LRRTM3: variants seen among roughly 807,000 people sequenced by gnomAD.
LRRTM3 encodes the protein leucine-rich repeat transmembrane neuronal protein 3.
LRRTM3 carries 24 observed loss-of-function variants against 44.7 expected under a neutral mutation model. The observed-to-expected ratio is 0.54, with a 90% confidence interval of 0.39 to 0.76. The LOEUF (loss-of-function observed/expected upper bound fraction) is 0.76, where lower values mean the gene tolerates loss of function less well. LRRTM3 is among the 30% of genes least tolerant of loss of function. The pLI is 0.00. For synonymous variants in LRRTM3, 277 were observed against 278.7 expected, an observed-to-expected ratio of 0.99 and a Z score of 0.06; for missense variants, 587 against 702.2, an observed-to-expected ratio of 0.84 and a Z score of 1.85.
chr10:67,041,199 A>G (rs1854371472), intron 2 of LRRTM3, among the ~76,000 whole-genome samples: 1 of 152,076 alleles, frequency 6.6e-6, no homozygotes, highest in South Asian at 2.1e-4. Flanking sequence ...ACTGAAGAAA[A>G]TCAAACTTGT....
intron 2 of LRRTM3, among the ~76,000 whole-genome samples, chr10:67,016,974 G>T (rs541758557): frequency 6.6e-6 from 1 of 151,970 alleles, no homozygotes; most frequent in African/African-American, 2.4e-5. Flanking sequence ...CACATAAATT[G>T]TATCTACTGA....
chr10:66,949,036 C>T (rs1012962194), intron 2 of LRRTM3, among the ~76,000 whole-genome samples: 4 of 152,076 alleles, frequency 2.6e-5, no homozygotes, highest in African/African-American at 9.7e-5. Context: ...AGCATGTAAT[C>T]TTGCAAACAA....
At chr10:66,993,070 T>C (rs1009127285) in intron 2 of LRRTM3, among the ~76,000 whole-genome samples, 1 of 152,128 alleles carries the variant, frequency 6.6e-6, no homozygotes, top group Admixed American at 6.6e-5. Flanking sequence ...CCGTTTCCCA[T>C]GGTATCAGCC....
intron 2 of LRRTM3, among the ~76,000 whole-genome samples, chr10:67,034,967 A>C (rs1350058079): frequency 6.6e-6 from 1 of 152,166 alleles, no homozygotes; most frequent in African/African-American, 2.4e-5. Flanking sequence ...CTATGTCTAT[A>C]CTAGGAACTC....
chr10:67,060,812 A>T (rs1409907315), intron 2 of LRRTM3, among the ~76,000 whole-genome samples: 1 of 152,066 alleles, frequency 6.6e-6, no homozygotes, highest in Non-Finnish European at 1.5e-5. Context: ...CTCCCAGTAC[A>T]AATGGTTGTG....
At chr10:66,943,981 T>C (rs957505797) in intron 2 of LRRTM3, among the ~76,000 whole-genome samples, 2 of 152,182 alleles carry the variant, frequency 1.3e-5, no homozygotes, top group East Asian at 3.9e-4. Flanking sequence ...TTGATGTTGA[T>C]GGCTGCAGAC....
intron 2 of LRRTM3, among the ~76,000 whole-genome samples, chr10:66,948,680 G>A (rs565634632): frequency 1.3e-5 from 2 of 152,052 alleles, no homozygotes; most frequent in Non-Finnish European, 2.9e-5. Flanking sequence ...TCCTGGACTG[G>A]TAAACCACAT....
At chr10:67,030,888 C>T (rs1347019338) in intron 2 of LRRTM3, among the ~76,000 whole-genome samples, 1 of 152,076 alleles carries the variant, frequency 6.6e-6, no homozygotes, top group Non-Finnish European at 1.5e-5. Flanking sequence ...TCTGTAATCC[C>T]AGCTACTCAG....
intron 2 of LRRTM3, among the ~76,000 whole-genome samples, chr10:67,022,929 CTG>C (rs1429001059): frequency 1.3e-5 from 2 of 152,028 alleles, no homozygotes; most frequent in Non-Finnish European, 2.9e-5. Flanking sequence ...GAGAGTAAGA[CTG>C]TGTCTCAAAA....
chr10:67,004,009 T>C (rs981426951), intron 2 of LRRTM3, among the ~76,000 whole-genome samples: 5 of 152,104 alleles, frequency 3.3e-5, no homozygotes, highest in South Asian at 2.1e-4. Flanking sequence ...ATTACAAATA[T>C]TGAGTGGAGG....
At chr10:67,060,262 G>A (rs1005407318) in intron 2 of LRRTM3, among the ~76,000 whole-genome samples, 7 of 152,114 alleles carry the variant, frequency 4.6e-5, no homozygotes, top group South Asian at 4.1e-4. Context: ...AGGCTGCAGT[G>A]AGCCGAGATT....
At chr10:66,962,256 G>A (rs192747293) in intron 2 of LRRTM3, among the ~76,000 whole-genome samples, 1 of 152,094 alleles carries the variant, frequency 6.6e-6, no homozygotes, top group Non-Finnish European at 1.5e-5. Context: ...TTTTCTCACT[G>A]ACCTTATCAC....
chr10:66,977,979 T>C (rs1445674738), intron 2 of LRRTM3, among the ~76,000 whole-genome samples: 1 of 152,076 alleles, frequency 6.6e-6, no homozygotes, highest in Admixed American at 6.6e-5. Flanking sequence ...TATTCCTAAG[T>C]GTGGAATAAT....
At chr10:67,020,149 A>G (rs923354285) in intron 2 of LRRTM3, among the ~76,000 whole-genome samples, 1 of 152,202 alleles carries the variant, frequency 6.6e-6, no homozygotes, top group African/African-American at 2.4e-5. Flanking sequence ...ACAGAATTAT[A>G]GTATTTTTTA....
At chr10:67,045,601 G>C (rs1333322315) in intron 2 of LRRTM3, among the ~76,000 whole-genome samples, 1 of 152,194 alleles carries the variant, frequency 6.6e-6, no homozygotes. Context: ...GACGGGCAAG[G>C]GGGCAGCTGC....
intron 2 of LRRTM3, among the ~76,000 whole-genome samples, chr10:67,044,716 G>A (rs1261118510): frequency 6.6e-6 from 1 of 152,104 alleles, no homozygotes; most frequent in East Asian, 1.9e-4. Flanking sequence ...AACTCTTAGG[G>A]ATGTTATAAG....
chr10:66,944,164 A>G (rs1254919799), intron 2 of LRRTM3, among the ~76,000 whole-genome samples: 3 of 152,242 alleles, frequency 2.0e-5, no homozygotes, highest in African/African-American at 7.2e-5. Flanking sequence ...ATTGAAGTCA[A>G]TCCTCTCAAA....
chr10:67,066,719 A>G (rs1856114872), intron 2 of LRRTM3, among the ~76,000 whole-genome samples: 1 of 151,946 alleles, frequency 6.6e-6, no homozygotes. Context: ...TCTGCCTTCT[A>G]CTCTTTATAT....
intron 2 of LRRTM3, among the ~76,000 whole-genome samples, chr10:66,967,567 G>A (rs1849502252): frequency 6.6e-6 from 1 of 151,886 alleles, no homozygotes; most frequent in Admixed American, 6.6e-5. Context: ...CCTTTAAGCA[G>A]TATGCAAATG....
Sources: allele counts gnomAD v4.1 joint callset (sites outside exome capture counted in the v4.1 genomes callset), GRCh38; gene constraint gnomAD v4.1.1; transcripts MANE v1.5; gene names NCBI Gene and HGNC (gene_info 2026-07-23, HGNC 2026-07-21).